The following EYS variants were observed in gnomAD, a reference collection of about 807,000 sequenced individuals.
EYS encodes protein eyes shut homolog.
A neutral mutation model predicts 282.1 loss-of-function variants in EYS; 250 were observed. The observed-to-expected ratio is 0.89, with a 90% CI of 0.80 to 0.98. The LOEUF (loss-of-function observed/expected upper bound fraction) is 0.98. Ranked by LOEUF, EYS falls within the 50% of genes least tolerant of loss-of-function variation. EYS has a pLI of 0.00. For synonymous variants in EYS, 1,355 were observed against 1,282.9 expected (o/e 1.06, Z -1.20); for missense variants, 4,016 against 3,709.0 (o/e 1.08, Z -2.15).
intron 12 of EYS, among the ~76,000 whole-genome samples, chr6:65,278,967 T>C (rs2150273487): frequency 6.6e-6 from 1 of 152,196 alleles, no homozygotes; most frequent in African/African-American, 2.4e-5. Context: ...GGTGGGCAGA[T>C]CACCTGAGGT....
intron 31 of EYS, among the ~76,000 whole-genome samples, chr6:64,205,743 T>C (rs1765590373): frequency 6.6e-6 from 1 of 151,788 alleles, no homozygotes; most frequent in South Asian, 2.1e-4. Context: ...AAGATCACCA[T>C]GTCAAAATGC....
At chr6:64,948,336 C>A (rs1285458053) in intron 14 of EYS, among the ~76,000 whole-genome samples, 1 of 150,906 alleles carries the variant, frequency 6.6e-6, no homozygotes, top group Non-Finnish European at 1.5e-5. Context: ...TGCTGCAAAG[C>A]AGTTTCTCAT....
intron 30 of EYS, among the ~76,000 whole-genome samples, chr6:64,264,971 T>C (rs1767707156): frequency 6.6e-6 from 1 of 151,962 alleles, no homozygotes; most frequent in Non-Finnish European, 1.5e-5. Flanking sequence ...AGGTTACGGA[T>C]TGAGGATATT....
At chr6:64,501,489 T>C (rs561154146) in intron 26 of EYS, among the ~76,000 whole-genome samples, 21 of 152,084 alleles carry the variant, frequency 1.4e-4, no homozygotes, top group African/African-American at 4.8e-4. Flanking sequence ...TCTCTGATCA[T>C]TGAAAATAAA....
chr6:64,036,585 G>A (rs1223603790), intron 33 of EYS, among the ~76,000 whole-genome samples: 2 of 152,116 alleles, frequency 1.3e-5, no homozygotes, highest in Non-Finnish European at 2.9e-5. Flanking sequence ...CATCACGCAG[G>A]TGAACAATGA....
intron 9 of EYS, among the ~76,000 whole-genome samples, chr6:65,347,552 C>A (rs1393109741): frequency 2.3e-5 from 2 of 86,812 alleles, no homozygotes; most frequent in Non-Finnish European, 4.9e-5. Context: ...TAAACATCTT[C>A]CCCATCCATT....
intron 15 of EYS, among the ~76,000 whole-genome samples, chr6:64,916,933 A>C (rs1768184582): frequency 6.6e-6 from 1 of 152,234 alleles, no homozygotes; most frequent in African/African-American, 2.4e-5. Context: ...AAAATAAAGT[A>C]GTTATCATCG....
intron 32 of EYS, among the ~76,000 whole-genome samples, chr6:64,074,795 T>C (rs1771708319): frequency 6.6e-6 from 1 of 151,938 alleles, no homozygotes; most frequent in Admixed American, 6.6e-5. Flanking sequence ...ACCTCACATT[T>C]TTATGGTGTT....
chr6:65,588,097 TTC>T (rs1765115784), intron 2 of EYS, among the ~76,000 whole-genome samples: 2 of 152,096 alleles, frequency 1.3e-5, no homozygotes, highest in African/African-American at 4.8e-5. Context: ...AGTGATTAAA[TTC>T]TAAAATCCTT....
At chr6:65,232,957 G>A (rs1013409044) in intron 12 of EYS, among the ~76,000 whole-genome samples, 3 of 152,154 alleles carry the variant, frequency 2.0e-5, no homozygotes, top group Middle Eastern at 6.8e-3. Flanking sequence ...TGTCACATGT[G>A]TCAGTACTAT....
intron 30 of EYS, among the ~76,000 whole-genome samples, chr6:64,288,941 T>G (rs1768599135): frequency 6.6e-6 from 1 of 152,080 alleles, no homozygotes; most frequent in Non-Finnish European, 1.5e-5. Context: ...GCACTCATTT[T>G]TTTCTTATTC....
intron 1 of EYS, among the ~76,000 whole-genome samples, chr6:65,702,168 T>A (rs189381291): frequency 6.6e-6 from 1 of 152,276 alleles, no homozygotes; most frequent in African/African-American, 2.4e-5. Flanking sequence ...TTCTCTACTT[T>A]GTTTCTTTGA....
chr6:64,254,440 G>A (rs943495731), intron 30 of EYS, among the ~76,000 whole-genome samples: 30 of 152,076 alleles, frequency 2.0e-4, no homozygotes, highest in African/African-American at 7.2e-4. Context: ...TACATCAATG[G>A]GGCCCCTCTG....
In EYS at chr6:65,387,568, A is replaced by G. The variant is rs540038636; in HGVS notation, c.1185-3068T>C. On this transcript the variant is annotated intron_variant, in intron 7 of 42. Transcript: ENST00000503581. ...TAATAATTTCATAAAGCAAAAAATT[A>G]GAAAAAATATTTTTTAAAGAGTTAA... 9.3e-4 allele frequency among the ~76,000 whole-genome samples: 142 copies of G among 152,074 alleles called. 2 individuals carry two copies. The highest frequency in any genetic ancestry group is 9.3e-3 in the East Asian group (48 of 5,184).
intron 31 of EYS, among the ~76,000 whole-genome samples, chr6:64,220,965 C>T (rs763054500): frequency 2.6e-5 from 4 of 152,066 alleles, no homozygotes; most frequent in Non-Finnish European, 5.9e-5. Context: ...CACACTGATT[C>T]ATGAGGATTA....
intron 1 of EYS, among the ~76,000 whole-genome samples, chr6:65,681,727 G>A (rs919221516): frequency 6.6e-6 from 1 of 151,818 alleles, no homozygotes; most frequent in African/African-American, 2.4e-5. Flanking sequence ...GTTCCCCTCA[G>A]CTTGAGTAAA....
At chr6:65,659,294 A>G (rs1008299050) in intron 1 of EYS, among the ~76,000 whole-genome samples, 2 of 151,722 alleles carry the variant, frequency 1.3e-5, no homozygotes, top group Non-Finnish European at 3.0e-5. Flanking sequence ...AACAATTTTT[A>G]TGGTGCAGGA....
At chr6:64,122,706 C>T (rs147280824) in intron 31 of EYS, among the ~76,000 whole-genome samples, 2,929 of 152,102 alleles carry the variant, frequency 0.019, 82 homozygotes, top group African/African-American at 0.066. Flanking sequence ...AGAACTTGTA[C>T]CTTATCACTG....
At chr6:65,653,154 G>A (rs938883736) in intron 1 of EYS, among the ~76,000 whole-genome samples, 1 of 151,816 alleles carries the variant, frequency 6.6e-6, no homozygotes, top group Admixed American at 6.6e-5. Flanking sequence ...AATACCCTGT[G>A]TTTTCTATTT....
Sources: gnomAD v4.1 joint callset for allele counts (sites outside exome capture counted in the v4.1 genomes callset) on GRCh38, gnomAD v4.1.1 for gene constraint, MANE v1.5 for transcripts, NCBI Gene and HGNC (gene_info 2026-07-23, HGNC 2026-07-21) for gene names.